The following LATS2 variants were observed in gnomAD, a reference collection of about 807,000 sequenced individuals.
The protein encoded by LATS2 is serine/threonine-protein kinase LATS2.
In LATS2, 24 loss-of-function variants were observed where a neutral mutation model predicts 76.0. That is an observed-to-expected ratio of 0.32 (90% confidence interval 0.23 to 0.44). The LOEUF (loss-of-function observed/expected upper bound fraction) is 0.44, where lower values mean the gene tolerates loss of function less well. Ranked by LOEUF, LATS2 falls within the 20% of genes least tolerant of loss-of-function variation. LATS2 has a pLI of 1.00. For synonymous variants in LATS2, 692 were observed against 635.4 expected (o/e 1.09, Z -1.34); for missense variants, 1,286 against 1,481.2 (o/e 0.87, Z 2.16).
chr13:21,054,615 G>A (rs1222473066), intron 1 of LATS2, among the ~76,000 whole-genome samples: 1 of 152,158 alleles, frequency 6.6e-6, no homozygotes, highest in African/African-American at 2.4e-5. Flanking sequence ...GGGGTGTTAA[G>A]CATCTGTGGG....
chr13:21,045,656 C>G, intron 2 of LATS2, 29 bp downstream of exon 2: 1 of 1,573,336 alleles, frequency 6.4e-7, no homozygotes, highest in South Asian at 1.2e-5. Context: ...GCTGCCTCTG[C>G]ACATGGCCCT....
chr13:20,979,126 T>C (rs1380646741), intron 7 of LATS2, among the ~76,000 whole-genome samples: 1 of 152,212 alleles, frequency 6.6e-6, no homozygotes, highest in Non-Finnish European at 1.5e-5. Flanking sequence ...CATTTTCTGT[T>C]CTCTAGCTTG....
intron 1 of LATS2, among the ~76,000 whole-genome samples, chr13:21,050,147 G>GATAGATAGATAGATACATACATAC (rs71200328): frequency 6.7e-4 from 36 of 53,842 alleles, no homozygotes; most frequent in Middle Eastern, 8.5e-3. Context: ...TAGATAGATA[G>GATAGATAGATAGATACATACATAC]ATACATACAT....
chr13:21,003,214 ATT>A, intron 2 of LATS2, among the ~76,000 whole-genome samples: 1 of 85,164 alleles, frequency 1.2e-5, no homozygotes, highest in African/African-American at 5.6e-5. Flanking sequence ...TGATCAGTGA[ATT>A]TTGAGAACCT....
intron 2 of LATS2, among the ~76,000 whole-genome samples, chr13:20,992,985 G>A (rs1349478616): frequency 2.8e-5 from 4 of 142,572 alleles, no homozygotes; most frequent in African/African-American, 5.4e-5. Flanking sequence ...GCAGTGAGCC[G>A]AGATCACGCC....
chr13:20,983,335 C>T lies in LATS2; in HGVS notation c.2371G>A (p.Asp791Asn). Reference sequence around the variant, plus strand: ...ATCAAAATGTTATCAGGCTTGATGTCTCGGTGGATGAAGCCCATCTTGTGG... The same window carrying T: ...ATCAAAATGTTATCAGGCTTGATGTTTCGGTGGATGAAGCCCATCTTGTGG... ...SVHKMGFIHRDIKPDNILIDL... is the reference protein window; with the variant it reads ...SVHKMGFIHRNIKPDNILIDL... The change falls in exon 5 of 8, where the codon GAC (aspartate) becomes AAC (asparagine). Residue 791 changes from aspartate (D) to asparagine (N), a missense_variant. Asp to Asn is a conservative substitution (Grantham distance 23, BLOSUM62 1). This residue lies in a region of LATS2 where 247 missense variants were observed against 385.4 expected (regional missense o/e 0.64). Coordinates refer to ENST00000382592, the MANE Select transcript of LATS2 (RefSeq NM_014572.3). The T allele has an allele frequency of 6.2e-7, 1 of 1,614,094 alleles. No individual in the cohort carries two copies. Among genetic ancestry groups the T allele is most frequent in the Non-Finnish European group, 8.5e-7 (1 of 1,179,992 alleles).
intron 7 of LATS2, among the ~76,000 whole-genome samples, chr13:20,978,827 T>A (rs1014654336): frequency 1.3e-5 from 2 of 151,872 alleles, no homozygotes; most frequent in African/African-American, 4.8e-5. Flanking sequence ...AGTGGTGTGA[T>A]CTCGGCTCAC....
At chr13:21,055,409 T>C (rs963762146) in intron 1 of LATS2, among the ~76,000 whole-genome samples, 2 of 152,222 alleles carry the variant, frequency 1.3e-5, no homozygotes, top group African/African-American at 2.4e-5. Flanking sequence ...CTACAAACAC[T>C]GGAATTTTAA....
At chr13:21,056,979 G>A (rs1277859511) in intron 1 of LATS2, among the ~76,000 whole-genome samples, 1 of 152,222 alleles carries the variant, frequency 6.6e-6, no homozygotes, top group African/African-American at 2.4e-5. Flanking sequence ...GAGGGTGCAG[G>A]TGTCGTCCGG....
chr13:20,996,594 T>A, intron 2 of LATS2, among the ~76,000 whole-genome samples: 1 of 152,150 alleles, frequency 6.6e-6, no homozygotes, highest in East Asian at 1.9e-4. Context: ...TTGGCCAGGC[T>A]GGTCTCGAAC....
At chr13:21,040,495 T>TGAGTGGAA (rs1872839994) in intron 2 of LATS2, among the ~76,000 whole-genome samples, 1 of 152,196 alleles carries the variant, frequency 6.6e-6, no homozygotes, top group Admixed American at 6.5e-5. Flanking sequence ...AAAAGGAATC[T>TGAGTGGAA]GAGTGGAATC....
intron 2 of LATS2, among the ~76,000 whole-genome samples, chr13:21,009,855 C>T (rs1473656344): frequency 1.3e-5 from 2 of 152,138 alleles, no homozygotes; most frequent in Non-Finnish European, 2.9e-5. Flanking sequence ...CCCAGGCCCC[C>T]GCCCCAACAC....
At chr13:21,040,653 G>A (rs1872847016) in intron 2 of LATS2, among the ~76,000 whole-genome samples, 1 of 151,974 alleles carries the variant, frequency 6.6e-6, no homozygotes, top group African/African-American at 2.4e-5. Flanking sequence ...TCTGTAGAGG[G>A]GAGCATGTGG....
At chr13:21,021,337 G>A (rs781746591) in intron 2 of LATS2, among the ~76,000 whole-genome samples, 4 of 151,780 alleles carry the variant, frequency 2.6e-5, no homozygotes, top group Non-Finnish European at 4.4e-5. Context: ...GACGGGTGTG[G>A]TGGTGCGTGC....
intron 7 of LATS2, among the ~76,000 whole-genome samples, chr13:20,975,684 CTTTCTT>C (rs1464066553): frequency 6.6e-6 from 1 of 152,156 alleles, no homozygotes; most frequent in Non-Finnish European, 1.5e-5. Flanking sequence ...CAAGTTCTTT[CTTTCTT>C]TTTATTTTTT....
intron 2 of LATS2, among the ~76,000 whole-genome samples, chr13:21,028,512 ATATTTTGTTAAATTTATCCCTAAG>A (rs1872401006): frequency 6.6e-6 from 1 of 152,332 alleles, no homozygotes; most frequent in East Asian, 1.9e-4. Flanking sequence ...GATCTTGCAC[ATATTTTGTTAAATTTATCCCTAAG>A]TATTTTGTAT....
chr13:20,987,985 G>C lies in LATS2; in HGVS notation c.1795C>G (p.Pro599Ala). The change falls in exon 4 of 8, where the codon CCA (proline) becomes GCA (alanine). Residue 599 changes from proline to alanine, a missense_variant. By Grantham distance (27) the Pro-to-Ala change is conservative (BLOSUM62 -1). Transcript: ENST00000382592. ...KRESRIKSYS[P>A]YAFKFFMEQH... is the part of the protein sequence containing the mutation. Reference sequence around the variant, plus strand: ...TCCATGAAGAACTTAAAGGCGTATGGCGAGTAGCTCTTGATGCGTGACTCT... The same window carrying C: ...TCCATGAAGAACTTAAAGGCGTATGCCGAGTAGCTCTTGATGCGTGACTCT... The C allele has an allele frequency of 6.2e-7, 1 of 1,614,260 alleles. No individual in the cohort carries two copies. Among genetic ancestry groups the C allele is most frequent in the South Asian group, 1.1e-5 (1 of 91,088 alleles).
chr13:20,990,744 G>C (rs1036868216), intron 3 of LATS2, among the ~76,000 whole-genome samples: 18 of 152,118 alleles, frequency 1.2e-4, no homozygotes, highest in Non-Finnish European at 2.9e-5. Context: ...TCCATAGCCA[G>C]TAAAAAGCAG....
chr13:21,046,199 T>C lies in LATS2; in HGVS notation c.-173A>G. 1 of 508,802 alleles carries C rather than the reference T, an allele frequency of 2.0e-6. No individual in the cohort carries two copies. The highest frequency in any genetic ancestry group is 3.7e-5 in the South Asian group (1 of 26,870). 31.5% of individuals were successfully genotyped at this position (508,802 alleles called of 1,614,324 possible). On this transcript the variant is annotated 5_prime_UTR_variant, in exon 2 of 8. Transcript: ENST00000382592. Reference sequence around the variant, plus strand: ...AGTTCCTATAGAGAACCTAAAATTTTCCAAAGTCTTCATTTTGAAGATTAT... The same window carrying C: ...AGTTCCTATAGAGAACCTAAAATTTCCCAAAGTCTTCATTTTGAAGATTAT...
Sources: allele counts gnomAD v4.1 joint callset (sites outside exome capture counted in the v4.1 genomes callset), GRCh38; gene constraint gnomAD v4.1.1; regional missense constraint gnomAD v4.1.1; transcripts MANE v1.5; gene names NCBI Gene and HGNC (gene_info 2026-07-23, HGNC 2026-07-21).